The following EIF2AK1 variants were observed in gnomAD, a reference collection of about 807,000 sequenced individuals.
EIF2AK1 encodes eukaryotic translation initiation factor 2-alpha kinase 1.
In EIF2AK1, 54 loss-of-function variants were observed where a neutral mutation model predicts 77.9. That is an observed-to-expected ratio of 0.69 (90% CI 0.56 to 0.87). EIF2AK1 has a LOEUF of 0.87. Ranked by LOEUF, EIF2AK1 falls within the 40% of genes least tolerant of loss-of-function variation. The pLI is 0.00. For missense variants in EIF2AK1, 810 were observed against 768.6 expected, an observed-to-expected ratio of 1.05 and a Z score of -0.64; for synonymous variants, 314 against 290.5, an observed-to-expected ratio of 1.08 and a Z score of -0.82.
intron 11 of EIF2AK1, among the ~76,000 whole-genome samples, chr7:6,037,135 G>A (rs1788123158): frequency 6.6e-6 from 1 of 152,076 alleles, no homozygotes; most frequent in Non-Finnish European, 1.5e-5. Context: ...GGAGGCTGAG[G>A]TGGGAGGATC....
At chr7:6,058,534 G>A (rs1788859259) in intron 1 of EIF2AK1, among the ~76,000 whole-genome samples, 1 of 152,154 alleles carries the variant, frequency 6.6e-6, no homozygotes, top group Non-Finnish European at 1.5e-5. Context: ...AAGCTCCAAT[G>A]AAGCAAAAGA....
At chr7:6,030,744 G>A (rs963307768) in intron 11 of EIF2AK1, among the ~76,000 whole-genome samples, 4 of 152,062 alleles carry the variant, frequency 2.6e-5, no homozygotes, top group African/African-American at 7.2e-5. Context: ...TGTTCTGCCC[G>A]CCCTGGCCTC....
At chr7:6,050,154 T>C in intron 2 of EIF2AK1, 109 bp from the exon 3 acceptor site, 1 of 825,286 alleles carries the variant, frequency 1.2e-6, no homozygotes, top group Non-Finnish European at 1.8e-6. Flanking sequence ...TACAAAAACC[T>C]CAATAGGAAA....
At chr7:6,053,343 CAAT>C (rs1281979723) in intron 2 of EIF2AK1, among the ~76,000 whole-genome samples, 1 of 152,052 alleles carries the variant, frequency 6.6e-6, no homozygotes, top group African/African-American at 2.4e-5. Context: ...GTGTTACAAA[CAAT>C]CCAATTATAT....
Position 6,023,028 on chromosome 7 carries a change from T to TGGA in EIF2AK1, c.*1642_*1644dup, listed in dbSNP as rs1221220885. The TGGA allele has an allele frequency of 2.8e-6, 1 of 358,004 alleles. No individual in the cohort carries two copies. Among genetic ancestry groups the TGGA allele is most frequent in the African/African-American group, 2.1e-5 (1 of 47,588 alleles). 22.2% of individuals were successfully genotyped at this position (358,004 alleles called of 1,614,324 possible). On this transcript the variant is annotated 3_prime_UTR_variant, in exon 15 of 15. Transcript: ENST00000199389. ...CCCCAAAACCTTAGGCAGCAGGGAT[T>TGGA]GGAGCAGGTGGTCTGAGGTCCCTTC...
chr7:6,031,331 C>T, intron 11 of EIF2AK1: 1 of 1,510,558 alleles, frequency 6.6e-7, no homozygotes, highest in South Asian at 1.2e-5. Flanking sequence ...CTGAAACTGA[C>T]CAATTCCATA....
Position 6,036,744 on chromosome 7 carries a change from G to A in EIF2AK1, c.1332+680C>T, listed in dbSNP as rs116003008. ...TTTCTAAAACAGCAAAAAAACTTCC[G>A]ATTTTGTTAAACTTTAAGATGAATA... On this transcript the variant is annotated intron_variant, in intron 11 of 14. Transcript: ENST00000199389. This position sits in a 1 kb window ranked among gnomAD's most constrained non-coding sequence, Gnocchi z 4.6. 2.4e-3 allele frequency among the ~76,000 whole-genome samples: 364 copies of A among 151,926 alleles called. No individual in the cohort carries two copies. The highest frequency in any genetic ancestry group is 8.5e-3 in the African/African-American group (352 of 41,440).
chr7:6,038,506 G>A, intron 10 of EIF2AK1, 54 bp downstream of exon 10: 1 of 1,347,668 alleles, frequency 7.4e-7, no homozygotes, highest in Non-Finnish European at 1.0e-6. Context: ...ACATGAGATG[G>A]GGAAGGTGTG....
chr7:6,058,200 A>T (rs1423094214), intron 1 of EIF2AK1: 5 of 455,058 alleles, frequency 1.1e-5, no homozygotes, highest in African/African-American at 2.0e-5. Flanking sequence ...GCTTGAGGCC[A>T]GGCGTTCGAG....
chr7:6,028,548 A>G, intron 13 of EIF2AK1, 67 bp downstream of exon 13: 3 of 1,531,872 alleles, frequency 2.0e-6, no homozygotes, highest in Non-Finnish European at 2.7e-6. Flanking sequence ...CACTGCACCC[A>G]ACCCTGTATT....
At position 6,022,914 on chromosome 7, in the gene EIF2AK1, T is replaced by G; in HGVS notation, c.*1759A>C. ...TATGGAGATAAGCGAGTTCATGTCA[T>G]TCATATCTTAATTGCCCTCAGTCTC... On this transcript the variant is annotated 3_prime_UTR_variant, in exon 15 of 15. Transcript: ENST00000199389. The G allele has an allele frequency of 5.1e-6, 1 of 195,256 alleles. No homozygotes were observed. The highest frequency in any genetic ancestry group is 1.1e-5 in the Non-Finnish European group (1 of 94,888). 12.1% of individuals were successfully genotyped at this position (195,256 alleles called of 1,614,324 possible). A position where few individuals can be genotyped will look rare whatever the true frequency, so the allele number is the denominator to read the frequency against.
At chr7:6,052,584 TAAA>T (rs56106343) in intron 2 of EIF2AK1, among the ~76,000 whole-genome samples, 3 of 97,168 alleles carry the variant, frequency 3.1e-5, no homozygotes, top group Non-Finnish European at 5.7e-5. Context: ...ACTGTTTTGG[TAAA>T]AAAAAAAAAA....
At position 6,023,447 on chromosome 7, in the gene EIF2AK1, C is replaced by T. The variant is rs140208111; in HGVS notation, c.*1226G>A. On this transcript the variant is annotated 3_prime_UTR_variant, in exon 15 of 15. Transcript: ENST00000199389. ...CTTATAGATAGCTGGGTAGATATTG[C>T]GATTTTTCAGTTAAAAGAGGGAAGC... 4.5e-5 allele frequency: 72 copies of T among 1,614,144 alleles called. No homozygotes were observed. Among genetic ancestry groups the T allele is most frequent in the Middle Eastern group, 1.6e-4 (1 of 6,062 alleles).
chr7:6,049,580 G>C (rs1375150841), intron 3 of EIF2AK1, among the ~76,000 whole-genome samples: 1 of 149,988 alleles, frequency 6.7e-6, no homozygotes, highest in Non-Finnish European at 1.5e-5. Flanking sequence ...AATTGAAATT[G>C]TCTCAAGATC....
At chr7:6,031,551 T>C in intron 11 of EIF2AK1, 2 of 1,550,756 alleles carry the variant, frequency 1.3e-6, no homozygotes, top group Non-Finnish European at 1.7e-6. Flanking sequence ...CCCATCACCA[T>C]TCTGCCCAAC....
intron 1 of EIF2AK1, among the ~76,000 whole-genome samples, chr7:6,056,606 A>AAAAAAT: frequency 1.0e-5 from 1 of 98,476 alleles, no homozygotes; most frequent in East Asian, 2.4e-4. Context: ...GGGAAAAAAA[A>AAAAAAT]AAAAAAAATA....
chr7:6,039,185 A>C (rs1788219984), intron 9 of EIF2AK1, among the ~76,000 whole-genome samples: 1 of 152,192 alleles, frequency 6.6e-6, no homozygotes, highest in Non-Finnish European at 1.5e-5. Context: ...ACTGTAGCCC[A>C]CTGTATATAC....
intron 1 of EIF2AK1, among the ~76,000 whole-genome samples, chr7:6,056,423 T>C (rs1788763118): frequency 6.8e-6 from 1 of 147,726 alleles, no homozygotes; most frequent in Non-Finnish European, 1.5e-5. Flanking sequence ...TGAAACCCCG[T>C]CTCTACCAAA....
intron 8 of EIF2AK1, among the ~76,000 whole-genome samples, chr7:6,041,782 A>C (rs1341239397): frequency 1.3e-5 from 2 of 150,994 alleles, no homozygotes; most frequent in African/African-American, 4.9e-5. Context: ...AAGAGGTTAC[A>C]GTAAGCCAAG....
Sources: allele counts gnomAD v4.1 joint callset (sites outside exome capture counted in the v4.1 genomes callset), GRCh38; gene constraint gnomAD v4.1.1; non-coding constraint Gnocchi (gnomAD v3.1); transcripts MANE v1.5; gene names NCBI Gene and HGNC (gene_info 2026-07-23, HGNC 2026-07-21).